The following TPM3 variants were observed in gnomAD, a reference collection of about 807,000 sequenced individuals.
The protein encoded by TPM3 is tropomyosin alpha-3 chain.
A neutral mutation model predicts 43.1 loss-of-function variants in TPM3; 16 were observed. The observed-to-expected ratio is 0.37, with a 90% confidence interval of 0.25 to 0.56. The LOEUF is 0.56. Ranked by LOEUF, TPM3 falls within the 20% of genes least tolerant of loss-of-function variation. TPM3 has a pLI of 0.77. For missense variants in TPM3, 176 were observed against 337.2 expected (o/e 0.52, Z 3.74); for synonymous variants, 101 against 116.9 (o/e 0.86, Z 0.88).
intron 3 of TPM3, among the ~76,000 whole-genome samples, chr1:154,173,639 G>C (rs905098580): frequency 7.3e-5 from 11 of 151,454 alleles, no homozygotes; most frequent in Non-Finnish European, 1.5e-4. Flanking sequence ...ACTCCAGCCT[G>C]GGCAATAAGA....
chr1:154,188,994 T>C (rs1333364155), intron 2 of TPM3, among the ~76,000 whole-genome samples: 1 of 149,468 alleles, frequency 6.7e-6, no homozygotes, highest in Non-Finnish European at 1.5e-5. Context: ...TACCCGGGCA[T>C]GGTGGCAGCT....
chr1:154,161,131 T>TAAAAAAAAAAA (rs953940037), downstream of TPM3, among the ~76,000 whole-genome samples: 1 of 85,094 alleles, frequency 1.2e-5, no homozygotes, highest in African/African-American at 4.5e-5. Context: ...ATGCAAATAT[T>TAAAAAAAAAAA]AAAAAAAAAA....
intron 2 of TPM3, among the ~76,000 whole-genome samples, chr1:154,187,893 A>C (rs1663479027): frequency 6.6e-6 from 1 of 151,576 alleles, no homozygotes; most frequent in African/African-American, 2.4e-5. Flanking sequence ...TCATGCCCAT[A>C]TGTTAGAAAC....
At chr1:154,181,933 G>A (rs1662997435) in intron 2 of TPM3, among the ~76,000 whole-genome samples, 1 of 151,940 alleles carries the variant, frequency 6.6e-6, no homozygotes, top group African/African-American at 2.4e-5. Context: ...AAAAAAGAAA[G>A]GAAGAAAGAA....
chr1:154,169,287 C>T lies in TPM3; in HGVS notation c.854+18G>A, dbSNP rs1661320139. 6.2e-7 allele frequency: 1 copy of T among 1,613,870 alleles called. No individual in the cohort carries two copies. Among genetic ancestry groups the T allele is most frequent in the Admixed American group, 1.7e-5 (1 of 59,998 alleles). On this transcript the variant is annotated intron_variant, in intron 9 of 9. Coordinates refer to ENST00000651641, the MANE Select transcript of TPM3 (RefSeq NM_152263.4). ...CACAAGCCAAGATCCCAGCCCCACT[C>T]TACTGTCAGATAGTTACATAGAGGT...
At chr1:154,172,285 C>CAAATACA (rs1213133667) in intron 5 of TPM3, 1 of 743,146 alleles carries the variant, frequency 1.3e-6, no homozygotes, top group Non-Finnish European at 2.5e-6. Flanking sequence ...GAGGGAAGCA[C>CAAATACA]AAATACATAT....
At chr1:154,184,664 C>G (rs767301701) in intron 2 of TPM3, among the ~76,000 whole-genome samples, 3 of 152,104 alleles carry the variant, frequency 2.0e-5, no homozygotes, top group Non-Finnish European at 4.4e-5. Flanking sequence ...CCTGTGATCC[C>G]AACATTTGGG....
intron 2 of TPM3, among the ~76,000 whole-genome samples, chr1:154,189,862 T>C (rs970033890): frequency 7.4e-6 from 1 of 134,734 alleles, no homozygotes; most frequent in Non-Finnish European, 1.6e-5. Flanking sequence ...AGAGACCAAA[T>C]ATGAGGATCC....
At position 154,166,565 on chromosome 1, in the gene TPM3, T is replaced by G. The variant is rs1660991082; in HGVS notation, c.*1372A>C. On this transcript the variant is annotated 3_prime_UTR_variant, in exon 10 of 10. Coordinates refer to ENST00000651641, the MANE Select transcript of TPM3 (RefSeq NM_152263.4). ...TGCACCCAGCTAAAAGAAAAGCAAA[T>G]TTTAAATACATACCCTGCTGGGAAA... 1 of 1,054,826 alleles carries G rather than the reference T, an allele frequency of 9.5e-7. No individual in the cohort carries two copies. Among genetic ancestry groups the G allele is most frequent in the Non-Finnish European group, 1.1e-6 (1 of 872,866 alleles). 65.3% of individuals were successfully genotyped at this position (1,054,826 alleles called of 1,614,324 possible). A position where few individuals can be genotyped will look rare whatever the true frequency, so the allele number is the denominator to read the frequency against.
At chr1:154,176,089 A>G in intron 3 of TPM3, 26 bp downstream of exon 3, 1 of 1,612,288 alleles carries the variant, frequency 6.2e-7, no homozygotes, top group Non-Finnish European at 8.5e-7. Flanking sequence ...TTTAAAATCC[A>G]CACTCCATCA....
downstream of TPM3, chr1:154,157,634 G>A (rs752208491): frequency 1.2e-5 from 9 of 777,802 alleles, no homozygotes; most frequent in South Asian, 1.2e-4. Context: ...TGGGACTGGG[G>A]CGTTCTACAT....
Position 154,183,629 on chromosome 1 carries a change from CAAGTTATAAGAAAAGTCTA to C in TPM3, c.244-7400_244-7382del. On this transcript the variant is annotated intron_variant, in intron 2 of 9. Coordinates refer to ENST00000651641, the MANE Select transcript of TPM3 (RefSeq NM_152263.4). ...CTCACCCCACGACAAACTCCAAAAC[CAAGTTATAAGAAAAGTCTA>C]AAAGACTTTCTGGGCCTCAGGTTCA... is the stretch of plus-strand genomic sequence containing the variant. The C allele has an allele frequency of 3.2e-5, 6 of 187,582 alleles. No homozygotes were observed. The South Asian group carries it at 5.4e-4, about 17-fold the overall frequency. The allele number at this position is 187,582 out of a possible 1,614,324, so 11.6% of individuals were successfully genotyped here. A position where few individuals can be genotyped will look rare whatever the true frequency, so the allele number is the denominator to read the frequency against.
At chr1:154,188,449 G>A (rs985970442) in intron 2 of TPM3, among the ~76,000 whole-genome samples, 1 of 151,572 alleles carries the variant, frequency 6.6e-6, no homozygotes, top group African/African-American at 2.4e-5. Flanking sequence ...GCCGTGGCGG[G>A]CGGATCACAA....
rs114304211 is a variant in TPM3 at position 154,185,095 on chromosome 1, G to C, written c.243+6091C>G. Among the ~76,000 whole-genome samples the C allele has an allele frequency of 6.9e-3, 1,045 of 152,268 alleles. 12 individuals are homozygous for C. The highest frequency in any genetic ancestry group is 0.024 in the African/African-American group (996 of 41,546). On this transcript the variant is annotated intron_variant, in intron 2 of 9. Transcript: ENST00000651641. ...TGAGTTAGAAACTTCCCTTTGGCCAGATGTGGTGGCTCATGCCTGTAATCC... is the reference window on the plus strand; with the variant it reads ...TGAGTTAGAAACTTCCCTTTGGCCACATGTGGTGGCTCATGCCTGTAATCC...
intron 2 of TPM3, among the ~76,000 whole-genome samples, chr1:154,179,204 A>AT (rs1375750958): frequency 1.3e-5 from 2 of 152,226 alleles, no homozygotes; most frequent in African/African-American, 4.8e-5. Flanking sequence ...ACCCAGGGAG[A>AT]TACCGTGTCC....
In TPM3 at chr1:154,167,545, G is replaced by A; in HGVS notation, c.*392C>T. Reference sequence around the variant, plus strand: ...CTAAAATTACTATCCTGAGTAACCTGTACTAAATCCATCACTCTGGTAGAA... The same window carrying A: ...CTAAAATTACTATCCTGAGTAACCTATACTAAATCCATCACTCTGGTAGAA... On this transcript the variant is annotated 3_prime_UTR_variant, in exon 10 of 10. Transcript: ENST00000651641. 1 of 1,147,124 alleles carries A rather than the reference G, an allele frequency of 8.7e-7. No individual in the cohort carries two copies. Among genetic ancestry groups the A allele is most frequent in the Non-Finnish European group, 1.1e-6 (1 of 927,280 alleles). 71.1% of individuals were successfully genotyped at this position (1,147,124 alleles called of 1,614,324 possible). A position where few individuals can be genotyped will look rare whatever the true frequency, so the allele number is the denominator to read the frequency against.
chr1:154,172,085 C>T, intron 5 of TPM3: 1 of 1,614,144 alleles, frequency 6.2e-7, no homozygotes, highest in Non-Finnish European at 8.5e-7. Flanking sequence ...CTAATCTGCT[C>T]ATCCATCTCT....
Position 154,167,353 on chromosome 1 carries a change from C to A in TPM3, c.*584G>T, listed in dbSNP as rs1661093613. 1 of 1,057,850 alleles carries A rather than the reference C, an allele frequency of 9.5e-7. No homozygotes were observed. The highest frequency in any genetic ancestry group is 4.6e-5 in the South Asian group (1 of 21,942). The allele number at this position is 1,057,850 out of a possible 1,614,324, so 65.5% of individuals were successfully genotyped here. The stretch of plus-strand genomic sequence containing the variant: ...GTGTTCTGAGGATGCACCATTTGAA[C>A]CACCGGTAAAAGGGTACAGAATGTG... On this transcript the variant is annotated 3_prime_UTR_variant, in exon 10 of 10. Coordinates refer to ENST00000651641, the MANE Select transcript of TPM3 (RefSeq NM_152263.4).
intron 2 of TPM3, 26 bp downstream of exon 2, chr1:154,191,160 C>T (rs1663663232): frequency 6.2e-7 from 1 of 1,612,376 alleles, no homozygotes; most frequent in Non-Finnish European, 8.5e-7. Flanking sequence ...TAGATTAAAC[C>T]CATCCTCCAT....
Sources: allele counts gnomAD v4.1 joint callset (sites outside exome capture counted in the v4.1 genomes callset), GRCh38; gene constraint gnomAD v4.1.1; transcripts MANE v1.5; gene names NCBI Gene and HGNC (gene_info 2026-07-23, HGNC 2026-07-21).